ACBD6: variants seen among roughly 807,000 people sequenced by gnomAD.
ACBD6 encodes the protein acyl-CoA-binding domain-containing protein 6.
A neutral mutation model predicts 37.2 loss-of-function variants in ACBD6; 28 were observed. That is an observed-to-expected ratio of 0.75 (90% CI 0.56 to 1.03). The LOEUF (loss-of-function observed/expected upper bound fraction) is 1.03. Among genes scored for constraint, ACBD6 ranks in the 50% least tolerant of loss-of-function variants. ACBD6 has a pLI of 0.00. For missense variants in ACBD6, 340 were observed against 337.4 expected, an observed-to-expected ratio of 1.01 and a Z score of -0.06; for synonymous variants, 113 against 126.8, an observed-to-expected ratio of 0.89 and a Z score of 0.73.
At chr1:180,361,325 T>C (rs1652844137) in intron 6 of ACBD6, among the ~76,000 whole-genome samples, 1 of 150,858 alleles carries the variant, frequency 6.6e-6, no homozygotes, top group Admixed American at 6.6e-5. Flanking sequence ...GGCTTCTTTA[T>C]ATTGAGAGGA....
intron 9 of ACBD6, chr1:180,276,745 G>T (rs1206245669): frequency 1.3e-5 from 2 of 151,538 alleles, no homozygotes; most frequent in African/African-American, 4.8e-5. Flanking sequence ...ACTGTTGCAG[G>T]TTGACTATTT....
chr1:180,496,795 AAAG>A (rs1217415766), intron 1 of ACBD6, among the ~76,000 whole-genome samples: 18 of 152,324 alleles, frequency 1.2e-4, no homozygotes, highest in African/African-American at 3.8e-4. Flanking sequence ...AAAGGGTGAA[AAAG>A]AAGGAGCCAC....
At chr1:180,357,638 A>G (rs920350497) in intron 6 of ACBD6, among the ~76,000 whole-genome samples, 1 of 152,226 alleles carries the variant, frequency 6.6e-6, no homozygotes, top group African/African-American at 2.4e-5. Context: ...TGAAGATACA[A>G]ATATCACAAA....
intron 3 of ACBD6, among the ~76,000 whole-genome samples, chr1:180,485,464 G>C (rs1195795122): frequency 6.6e-6 from 1 of 152,216 alleles, no homozygotes; most frequent in East Asian, 1.9e-4. Flanking sequence ...CCAGAAAAAG[G>C]AGAGGGAGAT....
intron 1 of ACBD6, among the ~76,000 whole-genome samples, chr1:180,501,052 C>A (rs1226597348): frequency 7.2e-5 from 11 of 152,116 alleles, no homozygotes. Context: ...GTCTATACAC[C>A]TCCCTATTTC....
chr1:180,386,193 C>T (rs1653840169), intron 6 of ACBD6, among the ~76,000 whole-genome samples: 1 of 152,052 alleles, frequency 6.6e-6, no homozygotes, highest in Non-Finnish European at 1.5e-5. Flanking sequence ...AAACCGCATT[C>T]AGTAGTTAAG....
chr1:180,339,409 T>C (rs1449855933), intron 6 of ACBD6, among the ~76,000 whole-genome samples: 2 of 152,214 alleles, frequency 1.3e-5, no homozygotes, highest in East Asian at 3.8e-4. Context: ...GAAACCGTCA[T>C]TCTCAGCAAA....
At chr1:180,273,951 T>G (rs1396034089) in exon 11 of ACBD6, 1 of 569,058 alleles carries the variant, frequency 1.8e-6, no homozygotes, top group African/African-American at 1.9e-5. Flanking sequence ...CATTTGTCCA[T>G]CCTTCTGGGA....
chr1:180,369,549 A>C (rs1653178757), intron 6 of ACBD6, among the ~76,000 whole-genome samples: 1 of 152,214 alleles, frequency 6.6e-6, no homozygotes. Flanking sequence ...TTCCATCTCT[A>C]AACTAATACC....
At chr1:180,469,634 C>T (rs939096398) in intron 3 of ACBD6, among the ~76,000 whole-genome samples, 6 of 152,076 alleles carry the variant, frequency 3.9e-5, no homozygotes, top group African/African-American at 7.2e-5. Flanking sequence ...AAATTGATCC[C>T]GTAAGAATCG....
chr1:180,388,936 T>C (rs988075567), intron 6 of ACBD6, among the ~76,000 whole-genome samples: 2 of 152,224 alleles, frequency 1.3e-5, no homozygotes, highest in African/African-American at 4.8e-5. Flanking sequence ...TGGGAAGGCA[T>C]CATGTATTCA....
intron 3 of ACBD6, among the ~76,000 whole-genome samples, chr1:180,491,607 C>A (rs1651505351): frequency 6.6e-6 from 1 of 152,032 alleles, no homozygotes; most frequent in African/African-American, 2.4e-5. Flanking sequence ...CATCTTTTAT[C>A]CCTAATAAGC....
chr1:180,423,706 T>G (rs1022247247), intron 4 of ACBD6, among the ~76,000 whole-genome samples: 4 of 152,186 alleles, frequency 2.6e-5, no homozygotes, highest in Admixed American at 2.0e-4. Context: ...ACTAAAAATG[T>G]ATTTTCACCC....
chr1:180,487,892 GA>G (rs1651337410), intron 3 of ACBD6, among the ~76,000 whole-genome samples: 1 of 152,210 alleles, frequency 6.6e-6, no homozygotes, highest in Admixed American at 6.5e-5. Context: ...GACATGCACA[GA>G]AATGTTTTCC....
At chr1:180,465,235 C>T (rs183439142) in intron 3 of ACBD6, among the ~76,000 whole-genome samples, 1 of 152,138 alleles carries the variant, frequency 6.6e-6, no homozygotes, top group East Asian at 1.9e-4. Flanking sequence ...AGAAAATCTA[C>T]AGAACGGGAG....
At chr1:180,360,217 T>TC (rs1652796531) in intron 6 of ACBD6, among the ~76,000 whole-genome samples, 1 of 152,266 alleles carries the variant, frequency 6.6e-6, no homozygotes, top group East Asian at 1.9e-4. Context: ...TCATGTTATT[T>TC]CCCCCCTTCA....
chr1:180,463,201 G>C (rs969202758), intron 3 of ACBD6, among the ~76,000 whole-genome samples: 6 of 152,094 alleles, frequency 3.9e-5, no homozygotes, highest in African/African-American at 1.4e-4. Context: ...AAAGCTAGCA[G>C]AAGTCAAGAA....
exon 14 of ACBD6, chr1:180,269,832 T>G (rs549549584): frequency 6.6e-6 from 1 of 152,338 alleles, no homozygotes; most frequent in South Asian, 2.1e-4. Context: ...CCTTTGTCTT[T>G]TGGAATGACT....
intron 5 of ACBD6, among the ~76,000 whole-genome samples, chr1:180,401,395 T>C (rs945320830): frequency 2.0e-5 from 3 of 152,182 alleles, no homozygotes; most frequent in Admixed American, 2.0e-4. Flanking sequence ...ATATATGAAA[T>C]GCTTCTCTGA....
Sources: allele counts gnomAD v4.1 joint callset (sites outside exome capture counted in the v4.1 genomes callset), GRCh38; gene constraint gnomAD v4.1.1; transcripts MANE v1.5; gene names NCBI Gene and HGNC (gene_info 2026-07-23, HGNC 2026-07-21).